CDH18: variants seen among roughly 807,000 people sequenced by gnomAD.
CDH18 encodes the protein cadherin-18.
Under a neutral mutation model 67.9 loss-of-function variants are expected in CDH18, and 31 were observed. The ratio of observed to expected loss-of-function variants is 0.46; its 90% CI spans 0.34 to 0.62. The LOEUF (loss-of-function observed/expected upper bound fraction) is 0.62, where lower values mean the gene tolerates loss of function less well. Among genes scored for constraint, CDH18 ranks in the 20% least tolerant of loss-of-function variants. The pLI is 0.01. For synonymous variants in CDH18, 362 were observed against 347.2 expected (o/e 1.04, Z -0.48); for missense variants, 890 against 975.5 (o/e 0.91, Z 1.17).
intron 2 of CDH18, among the ~76,000 whole-genome samples, chr5:20,050,553 A>G (rs571241848): frequency 2.0e-4 from 30 of 152,028 alleles, no homozygotes; most frequent in Non-Finnish European, 3.7e-4. Flanking sequence ...ACACACATTT[A>G]TATACTTTTA....
chr5:20,405,423 T>C (rs1191708777), intron 1 of CDH18, among the ~76,000 whole-genome samples: 1 of 152,162 alleles, frequency 6.6e-6, no homozygotes, highest in African/African-American at 2.4e-5. Flanking sequence ...TTACACCTTA[T>C]ACAAAAATTA....
At chr5:20,407,926 A>C (rs886124271) in intron 1 of CDH18, among the ~76,000 whole-genome samples, 2 of 152,052 alleles carry the variant, frequency 1.3e-5, no homozygotes, top group Non-Finnish European at 2.9e-5. Context: ...TCTCTGCCTC[A>C]ATAAGATAAA....
intron 8 of CDH18, among the ~76,000 whole-genome samples, chr5:19,558,773 A>C (rs1201790255): frequency 6.6e-6 from 1 of 151,964 alleles, no homozygotes; most frequent in Non-Finnish European, 1.5e-5. Context: ...ACAGAGAAGG[A>C]GAAAATCTTC....
chr5:20,454,421 T>C (rs1185934755), intron 1 of CDH18, among the ~76,000 whole-genome samples: 1 of 152,120 alleles, frequency 6.6e-6, no homozygotes, highest in African/African-American at 2.4e-5. Context: ...AAAATATTAA[T>C]ACAGGTTAAA....
chr5:20,366,881 A>G (rs1024709545), intron 1 of CDH18, among the ~76,000 whole-genome samples: 16 of 152,142 alleles, frequency 1.1e-4, no homozygotes, highest in African/African-American at 3.6e-4. Context: ...ATTGGGACCC[A>G]AGGCATTCCT....
At chr5:19,508,986 G>A (rs1487267568) in intron 10 of CDH18, among the ~76,000 whole-genome samples, 1 of 150,374 alleles carries the variant, frequency 6.7e-6, no homozygotes, top group Admixed American at 6.7e-5. Flanking sequence ...TGATTCTCGT[G>A]TCTCAGCCAC....
intron 2 of CDH18, among the ~76,000 whole-genome samples, chr5:19,855,355 T>A (rs1288883909): frequency 6.6e-6 from 1 of 152,142 alleles, no homozygotes; most frequent in East Asian, 1.9e-4. Flanking sequence ...GCCATTTATA[T>A]CTCCTTCTTT....
At chr5:20,166,260 G>T (rs1736273458) in intron 2 of CDH18, among the ~76,000 whole-genome samples, 2 of 151,820 alleles carry the variant, frequency 1.3e-5, no homozygotes. Flanking sequence ...GGCCAACATG[G>T]TGAAACCCTG....
intron 1 of CDH18, among the ~76,000 whole-genome samples, chr5:20,301,179 G>GT (rs753799194): frequency 5.9e-5 from 9 of 151,706 alleles, no homozygotes; most frequent in Admixed American, 1.3e-4. Context: ...GTGTTTTTTT[G>GT]TTTTTTTGTT....
chr5:19,542,942 A>G (rs1227448524), intron 9 of CDH18, among the ~76,000 whole-genome samples: 1 of 152,108 alleles, frequency 6.6e-6, no homozygotes, highest in Non-Finnish European at 1.5e-5. Flanking sequence ...AGCTGTTAAA[A>G]TTTTTAATGT....
chr5:19,678,989 C>T (rs1269742927), intron 5 of CDH18, among the ~76,000 whole-genome samples: 1 of 151,804 alleles, frequency 6.6e-6, no homozygotes, highest in Admixed American at 6.6e-5. Context: ...GACAGAGACA[C>T]AATGGAAAAA....
chr5:19,884,124 C>A (rs1787947961), intron 2 of CDH18, among the ~76,000 whole-genome samples: 1 of 152,026 alleles, frequency 6.6e-6, no homozygotes, highest in Non-Finnish European at 1.5e-5. Flanking sequence ...TATATATTTT[C>A]AACTGACAGT....
chr5:20,067,860 G>T (rs1210470790), intron 2 of CDH18, among the ~76,000 whole-genome samples: 1 of 151,972 alleles, frequency 6.6e-6, no homozygotes, highest in Non-Finnish European at 1.5e-5. Flanking sequence ...ATTTTGGCAA[G>T]AATTTTTTTT....
At chr5:19,796,542 T>G (rs954943349) in intron 3 of CDH18, among the ~76,000 whole-genome samples, 1 of 152,134 alleles carries the variant, frequency 6.6e-6, no homozygotes, top group Admixed American at 6.5e-5. Context: ...TAAAAGGATC[T>G]GTTGATATCA....
chr5:20,564,658 C>T (rs1190365109), intron 1 of CDH18, among the ~76,000 whole-genome samples: 1 of 152,086 alleles, frequency 6.6e-6, no homozygotes. Context: ...TTCCCTTTTG[C>T]ATAACATCTT....
At chr5:20,299,110 G>T (rs1561950686) in intron 1 of CDH18, among the ~76,000 whole-genome samples, 1 of 152,102 alleles carries the variant, frequency 6.6e-6, no homozygotes, top group Non-Finnish European at 1.5e-5. Flanking sequence ...TTTGAAGAGG[G>T]TGTAACTTGG....
intron 8 of CDH18, among the ~76,000 whole-genome samples, chr5:19,550,081 G>A (rs1426080429): frequency 6.6e-6 from 1 of 152,038 alleles, no homozygotes; most frequent in Non-Finnish European, 1.5e-5. Flanking sequence ...AATTCCTTCA[G>A]AGGTGACATA....
chr5:19,492,166 T>C (rs1741584034), intron 11 of CDH18, among the ~76,000 whole-genome samples: 1 of 152,132 alleles, frequency 6.6e-6, no homozygotes, highest in Admixed American at 6.5e-5. Context: ...ACTAATAATC[T>C]TTTGCCCTAA....
intron 1 of CDH18, among the ~76,000 whole-genome samples, chr5:20,376,836 G>T (rs373443890): frequency 2.0e-5 from 3 of 151,888 alleles, no homozygotes; most frequent in East Asian, 3.9e-4. Context: ...GGCCAACATG[G>T]TGAAACCCCA....
Sources: gnomAD v4.1 joint callset for allele counts (sites outside exome capture counted in the v4.1 genomes callset) on GRCh38, gnomAD v4.1.1 for gene constraint, MANE v1.5 for transcripts, NCBI Gene and HGNC (gene_info 2026-07-23, HGNC 2026-07-21) for gene names.